Variants in CBLB observed in about 807,000 individuals in gnomAD.
CBLB encodes Cbl proto-oncogene B.
A neutral mutation model predicts 104.9 loss-of-function variants in CBLB; 31 were observed. The observed-to-expected ratio is 0.30, with a 90% CI of 0.22 to 0.40. The LOEUF is 0.40. Ranked by LOEUF, CBLB falls within the 10% of genes least tolerant of loss-of-function variation. The pLI is 1.00. For synonymous variants in CBLB, 440 were observed against 422.6 expected (o/e 1.04, Z -0.51); for missense variants, 1,062 against 1,214.6 (o/e 0.87, Z 1.87).
At chr3:105,766,925 T>C (rs902893306) in intron 4 of CBLB, among the ~76,000 whole-genome samples, 1 of 152,238 alleles carries the variant, frequency 6.6e-6, no homozygotes, top group Non-Finnish European at 1.5e-5. Context: ...ATTTATCTTC[T>C]TTTTATATCC....
At chr3:105,699,049 T>C (rs9870097) in intron 12 of CBLB, among the ~76,000 whole-genome samples, 38,381 of 151,932 alleles carry the variant, frequency 0.25, 4,987 homozygotes, top group Admixed American at 0.27. Flanking sequence ...ACATATACTG[T>C]TTGTCTCCAC....
chr3:105,817,572 T>G (rs1052013848), intron 3 of CBLB, among the ~76,000 whole-genome samples: 1 of 152,112 alleles, frequency 6.6e-6, no homozygotes, highest in Admixed American at 6.6e-5. Context: ...GTGAATATTC[T>G]AAAAAACTAT....
At chr3:105,774,907 G>C (rs2079273634) in intron 4 of CBLB, among the ~76,000 whole-genome samples, 1 of 152,058 alleles carries the variant, frequency 6.6e-6, no homozygotes. Flanking sequence ...AGTTTATTTT[G>C]AAGGTTACCG....
At chr3:105,696,018 AAT>A (rs1229075842) in intron 12 of CBLB, among the ~76,000 whole-genome samples, 5 of 151,244 alleles carry the variant, frequency 3.3e-5, no homozygotes, top group Admixed American at 6.6e-5. Context: ...ACTCTCAGCA[AAT>A]ATGTGTGAGT....
chr3:105,795,955 C>T (rs1238250653), intron 3 of CBLB, among the ~76,000 whole-genome samples: 2 of 152,020 alleles, frequency 1.3e-5, no homozygotes, highest in East Asian at 1.9e-4. Context: ...AACTCCTGAC[C>T]TTGTGATCCA....
At chr3:105,752,121 T>C (rs528437988) in intron 4 of CBLB, among the ~76,000 whole-genome samples, 234 of 152,374 alleles carry the variant, frequency 1.5e-3, no homozygotes, top group Non-Finnish European at 2.4e-3. Flanking sequence ...ACAACCCTGA[T>C]GTTTTCTGCA....
intron 3 of CBLB, among the ~76,000 whole-genome samples, chr3:105,780,670 T>TTTTTTTTTTG (rs2080137340): frequency 7.4e-6 from 1 of 135,176 alleles, no homozygotes; most frequent in Non-Finnish European, 1.6e-5. Context: ...GTTTTTTTTT[T>TTTTTTTTTTG]TTTTTTTTTT....
chr3:105,843,336 C>A (rs2089806406), intron 3 of CBLB, among the ~76,000 whole-genome samples: 2 of 152,148 alleles, frequency 1.3e-5, no homozygotes, highest in African/African-American at 4.8e-5. Context: ...GTGTTTGTTG[C>A]CTTCTCTTTG....
intron 3 of CBLB, among the ~76,000 whole-genome samples, chr3:105,787,810 A>G (rs2081195500): frequency 6.6e-6 from 1 of 152,202 alleles, no homozygotes; most frequent in Admixed American, 6.5e-5. Context: ...GGCATTACTG[A>G]CATTTCTTTT....
intron 4 of CBLB, among the ~76,000 whole-genome samples, chr3:105,767,237 C>G (rs1277243211): frequency 6.6e-6 from 1 of 152,068 alleles, no homozygotes; most frequent in Non-Finnish European, 1.5e-5. Context: ...CTGTGTACCA[C>G]TTCTTTTAAT....
chr3:105,709,309 G>A (rs995427211), intron 10 of CBLB, among the ~76,000 whole-genome samples: 3 of 151,824 alleles, frequency 2.0e-5, no homozygotes, highest in Admixed American at 6.6e-5. Flanking sequence ...ATAAATTTAG[G>A]GGTATGCATG....
intron 3 of CBLB, among the ~76,000 whole-genome samples, chr3:105,807,850 T>A (rs1407664636): frequency 6.6e-6 from 1 of 152,172 alleles, no homozygotes; most frequent in African/African-American, 2.4e-5. Flanking sequence ...AATTATTAGA[T>A]AAGTAAAGGA....
rs2063337391 is a variant in CBLB at position 105,656,267 on chromosome 3, T to G, written c.*2703A>C. The G allele has an allele frequency of 4.8e-6, 1 of 210,094 alleles. No individual in the cohort carries two copies. The highest frequency in any genetic ancestry group is 1.9e-4 in the South Asian group (1 of 5,276). 13.0% of individuals were successfully genotyped at this position (210,094 alleles called of 1,614,324 possible). On this transcript the variant is annotated 3_prime_UTR_variant, in exon 19 of 19. Transcript: ENST00000394030. ...AGTTAATTTGTCTTAATTTTATGTA[T>G]TATATGAAATGCTGACTTAAAAAAA...
chr3:105,837,278 A>C (rs562744235), intron 3 of CBLB, among the ~76,000 whole-genome samples: 1 of 152,364 alleles, frequency 6.6e-6, no homozygotes, highest in East Asian at 1.9e-4. Flanking sequence ...AGGATGAAGC[A>C]CTTCTGTCAA....
chr3:105,753,376 TA>T (rs35630648), intron 4 of CBLB, among the ~76,000 whole-genome samples: 115,813 of 151,052 alleles, frequency 0.77, 44,515 homozygotes, highest in Middle Eastern at 0.84. Flanking sequence ...CTGTTTTTTT[TA>T]AAAAAAAAAG....
chr3:105,776,584 C>A (rs1002464323), intron 3 of CBLB, 42 bp from the exon 4 acceptor site: 4 of 1,581,344 alleles, frequency 2.5e-6, no homozygotes, highest in Middle Eastern at 1.7e-4. Context: ...GAAATAAACA[C>A]CTAGATGCAT....
chr3:105,668,604 A>G (rs1214941001), intron 18 of CBLB, among the ~76,000 whole-genome samples: 1 of 152,196 alleles, frequency 6.6e-6, no homozygotes, highest in African/African-American at 2.4e-5. Context: ...TCATCAAATT[A>G]TTTTGACTGG....
intron 2 of CBLB, among the ~76,000 whole-genome samples, chr3:105,865,985 T>C (rs897789547): frequency 7.2e-5 from 11 of 152,220 alleles, no homozygotes; most frequent in African/African-American, 2.2e-4. Flanking sequence ...TCCAATTGAA[T>C]AGTCCTTATT....
At chr3:105,789,198 C>A (rs866200242) in intron 3 of CBLB, among the ~76,000 whole-genome samples, 5 of 152,134 alleles carry the variant, frequency 3.3e-5, no homozygotes, top group Non-Finnish European at 5.9e-5. Context: ...GTTATTAGCA[C>A]TATTAGAGCT....
Sources: allele counts gnomAD v4.1 joint callset (sites outside exome capture counted in the v4.1 genomes callset), GRCh38; gene constraint gnomAD v4.1.1; transcripts MANE v1.5; gene names NCBI Gene and HGNC (gene_info 2026-07-23, HGNC 2026-07-21).